Variants in FBXO17 observed in about 807,000 individuals in gnomAD.
FBXO17 encodes F-box only protein 17.
A neutral mutation model predicts 34.1 loss-of-function variants in FBXO17; 43 were observed. The ratio of observed to expected loss-of-function variants is 1.26; its 90% CI spans 0.99 to 1.62. The LOEUF (loss-of-function observed/expected upper bound fraction) is 1.62, where lower values mean the gene tolerates loss of function less well. FBXO17 is among the 40% of genes most tolerant of loss of function. The pLI is 0.00. For synonymous variants in FBXO17, 169 were observed against 166.0 expected (o/e 1.02, Z -0.14); for missense variants, 424 against 386.7 (o/e 1.10, Z -0.81).
chr19:38,960,978 T>C (rs1347015643), intron 1 of FBXO17, among the ~76,000 whole-genome samples: 1 of 151,926 alleles, frequency 6.6e-6, no homozygotes, highest in African/African-American at 2.4e-5. Flanking sequence ...GGCTGATTTT[T>C]TGTATTTTTA....
intron 1 of FBXO17, among the ~76,000 whole-genome samples, chr19:38,966,735 C>T (rs915701745): frequency 6.6e-6 from 1 of 152,050 alleles, no homozygotes; most frequent in East Asian, 1.9e-4. Context: ...ATAAAGTTCA[C>T]AAAAAAGGAA....
At chr19:38,944,912 G>A (rs747909910) in intron 5 of FBXO17, 57 bp downstream of exon 5, 2 of 1,603,612 alleles carry the variant, frequency 1.2e-6, no homozygotes, top group East Asian at 2.2e-5. Flanking sequence ...CAGACGAGAG[G>A]CTGGGCGTGT....
At position 38,950,116 on chromosome 19, in the gene FBXO17, G is replaced by T; in HGVS notation, c.204C>A (p.Ser68Arg). 1 of 1,560,796 alleles carries T rather than the reference G, an allele frequency of 6.4e-7. No individual in the cohort carries two copies. The highest frequency in any genetic ancestry group is 1.9e-5 in the Admixed American group (1 of 53,214). ...VWLLQLARDR[S>R]AEGRALYAVA... is the part of the protein sequence containing the mutation. Reference sequence around the variant, plus strand: ...CTGCGTAGAGTGCGCGGCCCTCGGCGCTGCGGTCGCGGGCCAGCTGCAGCA... The same window carrying T: ...CTGCGTAGAGTGCGCGGCCCTCGGCTCTGCGGTCGCGGGCCAGCTGCAGCA... The change falls in exon 2 of 6, where the codon AGC becomes AGA. Residue 68 changes from serine (S) to arginine (R), a missense_variant. By Grantham distance (110) the Ser-to-Arg change is moderately radical (BLOSUM62 -1). Coordinates refer to ENST00000292852, the MANE Select transcript of FBXO17 (RefSeq NM_024907.7).
chr19:38,949,736 G>T (rs909849340), intron 2 of FBXO17: 18 of 577,038 alleles, frequency 3.1e-5, no homozygotes, highest in Non-Finnish European at 5.1e-5. Flanking sequence ...TTTCTCCCCC[G>T]GCCCAGCCAG....
intron 1 of FBXO17, among the ~76,000 whole-genome samples, chr19:38,969,432 C>A (rs1264624165): frequency 7.3e-6 from 1 of 136,904 alleles, no homozygotes; most frequent in African/African-American, 2.7e-5. Context: ...ACAGAGACTC[C>A]ATCTCCAAAA....
intron 3 of FBXO17, 106 bp downstream of exon 3, chr19:38,948,461 G>A (rs889587666): frequency 2.6e-6 from 2 of 759,676 alleles, no homozygotes; most frequent in Admixed American, 5.1e-5. Context: ...TAAATAAATG[G>A]GGGAAGGAGA....
At chr19:38,964,680 G>A (rs12977721) in intron 1 of FBXO17, among the ~76,000 whole-genome samples, 32,193 of 151,896 alleles carry the variant, frequency 0.21, 4,039 homozygotes, top group South Asian at 0.36. Flanking sequence ...GGTGGGAGGA[G>A]TGCTTGAGCT....
At position 38,948,663 on chromosome 19, in the gene FBXO17, C is replaced by T; in HGVS notation, c.365G>A (p.Trp122Ter). 7 of 1,614,084 alleles carry T rather than the reference C, an allele frequency of 4.3e-6. No individual in the cohort carries two copies. The highest frequency in any genetic ancestry group is 4.2e-6 in the Non-Finnish European group (5 of 1,179,972). Residue 122 changes from tryptophan to a stop codon, truncating the protein, a stop_gained, in exon 3 of 6, where the codon TGG (tryptophan) becomes TAG (stop). Coordinates refer to ENST00000292852, the MANE Select transcript of FBXO17 (RefSeq NM_024907.7). LOFTEE classifies it high-confidence loss of function. ...GCCGTTCCCGCCATGCTCCACCTCC[C>T]AGCCTCTGAAGCCCTCTGTGGGAAA... ...NSCGEQGFRG[W>*]EVEHGGNGWA...
At chr19:38,943,270 TTTTA>T (rs1180694069) in intron 5 of FBXO17, among the ~76,000 whole-genome samples, 7 of 151,874 alleles carry the variant, frequency 4.6e-5, no homozygotes, top group African/African-American at 7.3e-5. Flanking sequence ...AAAACAAACT[TTTTA>T]TTTATTTATT....
At chr19:38,962,540 C>T (rs1000190912) in intron 1 of FBXO17, among the ~76,000 whole-genome samples, 1 of 152,108 alleles carries the variant, frequency 6.6e-6, no homozygotes, top group Non-Finnish European at 1.5e-5. Context: ...TGGACTTCTG[C>T]CGCATTCTAC....
At chr19:38,963,789 CTT>C (rs34339732) in intron 1 of FBXO17, among the ~76,000 whole-genome samples, 1 of 146,076 alleles carries the variant, frequency 6.8e-6, no homozygotes, top group Non-Finnish European at 1.5e-5. Flanking sequence ...GTTTTCTTTG[CTT>C]TTTTTTTTTG....
chr19:38,944,679 A>G, intron 5 of FBXO17: 1 of 398,628 alleles, frequency 2.5e-6, no homozygotes, highest in Admixed American at 4.2e-5. Flanking sequence ...TCAACTCTAG[A>G]ATGGAGATAG....
At chr19:38,955,153 G>C (rs895007922) in intron 1 of FBXO17, among the ~76,000 whole-genome samples, 57 of 150,632 alleles carry the variant, frequency 3.8e-4, no homozygotes, top group East Asian at 2.0e-4. Flanking sequence ...GGATGGTCTC[G>C]ATCTCCTGAC....
chr19:38,942,527 G>T lies in FBXO17; in HGVS notation c.*81C>A. 2 of 1,407,800 alleles carry T rather than the reference G, an allele frequency of 1.4e-6. No individual in the cohort carries two copies. Among genetic ancestry groups the T allele is most frequent in the Non-Finnish European group, 1.9e-6 (2 of 1,073,058 alleles). 87.2% of individuals were successfully genotyped at this position (1,407,800 alleles called of 1,614,324 possible). Reference sequence around the variant, plus strand: ...TCCTCCCACCTCGGCCTCCTGAAGTGCTGGGATTCCACAGGTGTGAGCCAC... The same window carrying T: ...TCCTCCCACCTCGGCCTCCTGAAGTTCTGGGATTCCACAGGTGTGAGCCAC... On this transcript the variant is annotated 3_prime_UTR_variant, in exon 6 of 6. Coordinates refer to ENST00000292852, the MANE Select transcript of FBXO17 (RefSeq NM_024907.7).
intron 2 of FBXO17, 40 bp from the exon 3 acceptor site, chr19:38,948,718 A>C (rs781157714): frequency 6.3e-7 from 1 of 1,584,210 alleles, no homozygotes; most frequent in Non-Finnish European, 8.7e-7. Flanking sequence ...TTCACCTGCC[A>C]GCCTGCCCAG....
chr19:38,964,160 G>A (rs1174566998), intron 1 of FBXO17, among the ~76,000 whole-genome samples: 1 of 152,172 alleles, frequency 6.6e-6, no homozygotes, highest in Non-Finnish European at 1.5e-5. Context: ...AACGTTACAA[G>A]AAAATGCCCA....
intron 2 of FBXO17, 133 bp from the exon 3 acceptor site, chr19:38,948,811 ACTC>A: frequency 1.5e-6 from 1 of 669,780 alleles, no homozygotes; most frequent in South Asian, 1.9e-5. Context: ...TCTCCTACCG[ACTC>A]CTCCTCCCAT....
intron 1 of FBXO17, among the ~76,000 whole-genome samples, chr19:38,954,764 G>A (rs1439661481): frequency 2.0e-5 from 3 of 149,824 alleles, no homozygotes; most frequent in African/African-American, 4.9e-5. Context: ...ATTTTTAGTA[G>A]AGACAGGGTT....
intron 1 of FBXO17, among the ~76,000 whole-genome samples, chr19:38,960,291 CTTT>C (rs55974809): frequency 3.4e-5 from 5 of 147,352 alleles, no homozygotes; most frequent in South Asian, 2.1e-4. Flanking sequence ...GCCATTATTC[CTTT>C]TTTTTTTTTA....
Sources: allele counts gnomAD v4.1 joint callset (sites outside exome capture counted in the v4.1 genomes callset), GRCh38; gene constraint gnomAD v4.1.1; transcripts MANE v1.5; gene names NCBI Gene and HGNC (gene_info 2026-07-23, HGNC 2026-07-21).